The following CAV1 variants were observed in gnomAD, a reference collection of about 807,000 sequenced individuals.
CAV1 encodes the protein caveolin-1.
CAV1 carries 10 observed loss-of-function variants against 16.5 expected under a neutral mutation model. The observed-to-expected ratio is 0.61, with a 90% CI of 0.37 to 1.03. The LOEUF (loss-of-function observed/expected upper bound fraction) is 1.03, where lower values mean the gene tolerates loss of function less well. CAV1 is among the 50% of genes least tolerant of loss of function. The pLI is 0.01. For missense variants in CAV1, 212 were observed against 232.8 expected, an observed-to-expected ratio of 0.91 and a Z score of 0.58; for synonymous variants, 76 against 85.1, an observed-to-expected ratio of 0.89 and a Z score of 0.59.
At chr7:116,527,693 G>C (rs1793596419) in intron 2 of CAV1, among the ~76,000 whole-genome samples, 1 of 152,072 alleles carries the variant, frequency 6.6e-6, no homozygotes, top group Non-Finnish European at 1.5e-5. Flanking sequence ...CCTGGCTCAG[G>C]GACTGCAGTG....
intron 2 of CAV1, among the ~76,000 whole-genome samples, chr7:116,548,768 C>T (rs936528554): frequency 2.6e-5 from 4 of 152,152 alleles, no homozygotes; most frequent in African/African-American, 7.2e-5. Context: ...CCCTGAGGCT[C>T]GGTCTCCTAA....
intron 1 of CAV1, chr7:116,525,615 T>G: frequency 4.4e-6 from 5 of 1,141,522 alleles, no homozygotes; most frequent in Non-Finnish European, 5.5e-6. Context: ...TTCTGCATCT[T>G]GGCGTCTGGC....
chr7:116,553,991 A>T (rs1794214730), intron 2 of CAV1, among the ~76,000 whole-genome samples: 1 of 152,150 alleles, frequency 6.6e-6, no homozygotes, highest in Non-Finnish European at 1.5e-5. Flanking sequence ...AGCCCAGGAG[A>T]GTTCCTAAGC....
intron 1 of CAV1, chr7:116,526,323 A>G: frequency 6.9e-7 from 1 of 1,441,694 alleles, no homozygotes; most frequent in Non-Finnish European, 9.1e-7. Flanking sequence ...GTCCTCTGCG[A>G]GATCCTCTTA....
intron 1 of CAV1, chr7:116,525,300 G>A: frequency 1.3e-6 from 2 of 1,554,232 alleles, no homozygotes; most frequent in Non-Finnish European, 8.7e-7. Flanking sequence ...AATGGAGAGG[G>A]GGCCTAGGGA....
Position 116,543,813 on chromosome 7 carries a change from A to G in CAV1, c.196-15133A>G, listed in dbSNP as rs1300803895. Among the ~76,000 whole-genome samples, 12 of 152,188 alleles carry G rather than the reference A, an allele frequency of 7.9e-5. No homozygotes were observed. In the East Asian group the frequency reaches 1.2e-3, roughly 15 times the overall value. ...ACCTAGTTCACATGGCCCCATTTCT[A>G]TCGTTTGTTTTGTTTTGTTTTTGTT... On this transcript the variant is annotated intron_variant, in intron 2 of 2. Coordinates refer to ENST00000341049, the MANE Select transcript of CAV1 (RefSeq NM_001753.5).
intron 1 of CAV1, chr7:116,525,606 TC>T: frequency 8.7e-7 from 1 of 1,148,872 alleles, no homozygotes. Context: ...AAGAACTCCT[TC>T]TGCATCTTGG....
chr7:116,559,718 C>T lies in CAV1; in HGVS notation c.*431C>T, dbSNP rs1794368020. ...TTCCAGGGTATGGCCATGGAGTGTACAAGTATGTGGGCAGATTTTCAGCAA... is the reference window on the plus strand; with the variant it reads ...TTCCAGGGTATGGCCATGGAGTGTATAAGTATGTGGGCAGATTTTCAGCAA... On this transcript the variant is annotated 3_prime_UTR_variant, in exon 3 of 3. Transcript: ENST00000341049. The T allele has an allele frequency of 4.3e-6, 2 of 459,908 alleles. No homozygotes were observed. Among genetic ancestry groups the T allele is most frequent in the African/African-American group, 4.1e-5 (2 of 49,114 alleles). The allele number at this position is 459,908 out of a possible 1,614,324, so 28.5% of individuals were successfully genotyped here.
intron 2 of CAV1, among the ~76,000 whole-genome samples, chr7:116,534,366 T>C (rs182137114): frequency 2.1e-4 from 3 of 14,230 alleles, no homozygotes; most frequent in African/African-American, 3.3e-4. Flanking sequence ...ACCTCAGATA[T>C]ATATATATAT....
At chr7:116,536,794 G>A (rs1231475242) in intron 2 of CAV1, among the ~76,000 whole-genome samples, 2 of 151,634 alleles carry the variant, frequency 1.3e-5, no homozygotes, top group Non-Finnish European at 2.9e-5. Context: ...ACGAGGTCAG[G>A]AGATCGAGAC....
chr7:116,525,709 C>A, intron 1 of CAV1: 1 of 1,070,414 alleles, frequency 9.3e-7, no homozygotes. Flanking sequence ...GAGCTCTGCC[C>A]GGGTGTGGAA....
chr7:116,537,278 C>T (rs529872734), intron 2 of CAV1, among the ~76,000 whole-genome samples: 5 of 151,768 alleles, frequency 3.3e-5, no homozygotes, highest in Admixed American at 2.0e-4. Context: ...TTGTCAGAAC[C>T]ATGTCTGATG....
chr7:116,539,133 C>T (rs1260170404), intron 2 of CAV1, among the ~76,000 whole-genome samples: 3 of 152,174 alleles, frequency 2.0e-5, no homozygotes, highest in African/African-American at 7.2e-5. Flanking sequence ...CCTGACAGAC[C>T]TCAGTCATCC....
chr7:116,526,732 C>T (rs375135589), intron 2 of CAV1, 43 bp downstream of exon 2: 19 of 1,611,894 alleles, frequency 1.2e-5, no homozygotes, highest in East Asian at 4.5e-5. Context: ...GACAGCTCTC[C>T]TCTGGCAGTT....
At chr7:116,530,344 AT>A (rs913965002) in intron 2 of CAV1, among the ~76,000 whole-genome samples, 11 of 151,990 alleles carry the variant, frequency 7.2e-5, no homozygotes, top group African/African-American at 2.7e-4. Context: ...GTCTTATGTG[AT>A]CTCTACTGTA....
At chr7:116,554,977 C>A (rs1224446624) in intron 2 of CAV1, among the ~76,000 whole-genome samples, 2 of 152,072 alleles carry the variant, frequency 1.3e-5, no homozygotes, top group African/African-American at 4.8e-5. Context: ...TTTCTTAACC[C>A]CCGGCAGTAT....
Position 116,526,546 on chromosome 7 carries a change from A to T in CAV1, c.52A>T (p.Ile18Phe), listed in dbSNP as rs1793566026. The T allele has an allele frequency of 1.2e-6, 2 of 1,614,020 alleles. No homozygotes were observed. Residue 18 changes from isoleucine to phenylalanine, a missense_variant, in exon 2 of 3, where the codon ATC becomes TTC. By Grantham distance (21) the Ile-to-Phe change is conservative. Coordinates refer to ENST00000341049, the MANE Select transcript of CAV1 (RefSeq NM_001753.5). ...DSEGHLYTVP[I>F]REQGNIYKPN... The stretch of plus-strand genomic sequence containing the variant: ...GCAGGGACATCTCTACACCGTTCCC[A>T]TCCGGGAACAGGGCAACATCTACAA...
At chr7:116,534,383 ATATATATATATATTTTTTTTTTTT>A (rs1793757156) in intron 2 of CAV1, among the ~76,000 whole-genome samples, 1 of 9,698 alleles carries the variant, frequency 1.0e-4, no homozygotes, top group African/African-American at 3.2e-4. Flanking sequence ...ATATATATAT[ATATATATATATATTTTTTTTTTTT>A]TTTTTTTTTT....
At chr7:116,543,867 A>G (rs1276232660) in intron 2 of CAV1, among the ~76,000 whole-genome samples, 2 of 152,180 alleles carry the variant, frequency 1.3e-5, no homozygotes, top group Non-Finnish European at 2.9e-5. Flanking sequence ...GAGCAATAGG[A>G]TCAGATGACT....
Sources: allele counts gnomAD v4.1 joint callset (sites outside exome capture counted in the v4.1 genomes callset), GRCh38; gene constraint gnomAD v4.1.1; transcripts MANE v1.5; gene names NCBI Gene and HGNC (gene_info 2026-07-23, HGNC 2026-07-21).